SLC3A2: variants seen among roughly 807,000 people sequenced by gnomAD.
SLC3A2 encodes amino acid transporter heavy chain SLC3A2.
In SLC3A2, 32 loss-of-function variants were observed where a neutral mutation model predicts 48.5. That is an observed-to-expected ratio of 0.66 (90% CI 0.50 to 0.89). The LOEUF (loss-of-function observed/expected upper bound fraction) is 0.89, where lower values mean the gene tolerates loss of function less well. Among genes scored for constraint, SLC3A2 ranks in the 40% least tolerant of loss-of-function variants. The pLI, the probability that SLC3A2 is intolerant of heterozygous loss-of-function variation, is 0.00. For missense variants in SLC3A2, 587 were observed against 680.7 expected (o/e 0.86, Z 1.53); for synonymous variants, 277 against 288.8 (o/e 0.96, Z 0.41).
At chr11:62,882,166 G>C (rs1346859844) in intron 2 of SLC3A2, 100 bp downstream of exon 2, 24 of 1,389,022 alleles carry the variant, frequency 1.7e-5, no homozygotes, top group Non-Finnish European at 2.3e-5. Context: ...CTGGCTCTGA[G>C]TTTTCCTAGG....
In SLC3A2 at chr11:62,888,770, AAAAC is replaced by A. The variant is rs539927144; in HGVS notation, c.*90_*93del. On this transcript the variant is annotated 3_prime_UTR_variant, in exon 9 of 9. Transcript: ENST00000338663. ...TGGCTTCTGATTTTTCTCTTTTTTA[AAAAC>A]AAACAAACAAACTGTTGCAGATTAT... is the stretch of plus-strand genomic sequence containing the variant. The A allele has an allele frequency of 2.0e-4, 267 of 1,356,110 alleles. 1 individual carries two copies. Among genetic ancestry groups the A allele is most frequent in the African/African-American group, 1.7e-3 (118 of 68,576 alleles). 84.0% of individuals were successfully genotyped at this position (1,356,110 alleles called of 1,614,324 possible).
Position 62,885,459 on chromosome 11 carries a change from C to G in SLC3A2, c.1000-6C>G. On this transcript the variant is annotated splice_region_variant and splice_polypyrimidine_tract_variant and intron_variant, in intron 6 of 8. Coordinates refer to ENST00000338663, the MANE Select transcript of SLC3A2 (RefSeq NM_001013251.3). ...ATGGGGCTCACTGGAGTGTCTCTCC[C>G]TGTAGTTGTCTCAGGCAAGGCTCCT... The G allele has an allele frequency of 6.2e-7, 1 of 1,614,158 alleles. No homozygotes were observed. The highest frequency in any genetic ancestry group is 8.5e-7 in the Non-Finnish European group (1 of 1,180,014).
Position 62,880,956 on chromosome 11 carries a change from G to T in SLC3A2, c.-68G>T, listed in dbSNP as rs1001631906. The T allele has an allele frequency of 6.7e-7, 1 of 1,496,086 alleles. No homozygotes were observed. The highest frequency in any genetic ancestry group is 2.5e-5 in the Admixed American group (1 of 39,270). The allele number at this position is 1,496,086 out of a possible 1,614,324, so 92.7% of individuals were successfully genotyped here. ...GCCGGGGAGAGCGTTCTGGGTCCGAGGGTCCAGGTAGGGGTTGAGCCACCA... is the reference window on the plus strand; with the variant it reads ...GCCGGGGAGAGCGTTCTGGGTCCGATGGTCCAGGTAGGGGTTGAGCCACCA... On this transcript the variant is annotated 5_prime_UTR_variant, in exon 1 of 9. The change creates a new upstream start codon in the 5' untranslated region. Transcript: ENST00000338663.
chr11:62,885,594 G>T lies in SLC3A2; in HGVS notation c.1129G>T (p.Ala377Ser), dbSNP rs759967876. ...GGATGAGATTGGCCTGGATGCAGCTGCCCTTCCTGGACAGGTACTGCTTGC... is the reference window on the plus strand; with the variant it reads ...GGATGAGATTGGCCTGGATGCAGCTTCCCTTCCTGGACAGGTACTGCTTGC... The part of the protein sequence containing the change: ...YGDEIGLDAA[A>S]LPGQPMEAPV... The change falls in exon 7 of 9, where the codon GCC becomes TCC. Residue 377 changes from alanine (A) to serine (S), a missense_variant. By Grantham distance (99) the Ala-to-Ser change is moderately conservative. Transcript: ENST00000338663. 1 of 1,614,166 alleles carries T rather than the reference G, an allele frequency of 6.2e-7. No individual in the cohort carries two copies. The highest frequency in any genetic ancestry group is 1.1e-5 in the South Asian group (1 of 91,088).
At chr11:62,861,166 C>T (rs983601210) in intron 1 of SLC3A2, among the ~76,000 whole-genome samples, 14 of 151,784 alleles carry the variant, frequency 9.2e-5, no homozygotes, top group African/African-American at 3.1e-4. Context: ...ATATGGAGCC[C>T]GTCTCTACAA....
intron 1 of SLC3A2, among the ~76,000 whole-genome samples, chr11:62,866,445 G>T (rs754276652): frequency 8.6e-5 from 13 of 151,762 alleles, no homozygotes; most frequent in African/African-American, 1.5e-4. Flanking sequence ...GCCCAGGCTG[G>T]AGTGCAGTGG....
chr11:62,877,027 G>T, upstream of SLC3A2: 36 of 666,418 alleles, frequency 5.4e-5, no homozygotes, highest in East Asian at 1.4e-4. Flanking sequence ...TCACATGCTA[G>T]TTTTTTTCAG....
chr11:62,868,056 C>T (rs1197042344), intron 1 of SLC3A2, among the ~76,000 whole-genome samples: 1 of 150,742 alleles, frequency 6.6e-6, no homozygotes, highest in Non-Finnish European at 1.5e-5. Flanking sequence ...TGAGTAGCTG[C>T]GATTACAGCC....
At chr11:62,876,810 C>A, upstream of SLC3A2, 1 of 576,756 alleles carries the variant, frequency 1.7e-6, no homozygotes, top group Non-Finnish European at 2.5e-6. Context: ...CCATGTTAGC[C>A]AGGCTGATAT....
At chr11:62,876,856 C>A, upstream of SLC3A2, 2 of 1,004,052 alleles carry the variant, frequency 2.0e-6, no homozygotes, top group South Asian at 2.0e-5. Flanking sequence ...ACTGCCTCGG[C>A]CTCCGGAAGT....
intron 7 of SLC3A2, 26 bp downstream of exon 7, chr11:62,885,634 A>G (rs982802993): frequency 6.2e-7 from 1 of 1,612,816 alleles, no homozygotes; most frequent in East Asian, 2.2e-5. Context: ...TTTCTGTCAC[A>G]GGGAGGTTGT....
At chr11:62,886,157 G>C (rs753315926) in intron 7 of SLC3A2, among the ~76,000 whole-genome samples, 7 of 152,106 alleles carry the variant, frequency 4.6e-5, no homozygotes, top group Non-Finnish European at 1.0e-4. Flanking sequence ...AGGTGTGGTG[G>C]TGCACGCCTG....
intron 1 of SLC3A2, among the ~76,000 whole-genome samples, chr11:62,866,052 A>G (rs933692702): frequency 6.6e-6 from 1 of 151,258 alleles, no homozygotes; most frequent in East Asian, 1.9e-4. Context: ...TTGGAACACC[A>G]TTCTCTGGTC....
At chr11:62,870,259 G>T (rs1280979100) in intron 1 of SLC3A2, among the ~76,000 whole-genome samples, 1 of 151,406 alleles carries the variant, frequency 6.6e-6, no homozygotes, top group Non-Finnish European at 1.5e-5. Context: ...TCGGCTCACT[G>T]CAACCTCTGC....
At chr11:62,862,967 G>A (rs989224927) in intron 1 of SLC3A2, among the ~76,000 whole-genome samples, 1 of 152,224 alleles carries the variant, frequency 6.6e-6, no homozygotes, top group Non-Finnish European at 1.5e-5. Flanking sequence ...TGTCACCCAG[G>A]CTGGAGTGCA....
chr11:62,868,144 A>G (rs1279870404), intron 1 of SLC3A2, among the ~76,000 whole-genome samples: 1 of 151,424 alleles, frequency 6.6e-6, no homozygotes, highest in African/African-American at 2.4e-5. Flanking sequence ...CTGGTCTCAA[A>G]CTCCTGACTT....
upstream of SLC3A2, among the ~76,000 whole-genome samples, chr11:62,879,776 AAG>A (rs2085609384): frequency 6.6e-6 from 1 of 152,238 alleles, no homozygotes; most frequent in Non-Finnish European, 1.5e-5. Context: ...GTTTAGGAAC[AAG>A]GAGTTCCTGA....
At position 62,882,076 on chromosome 11, in the gene SLC3A2, C is replaced by G; in HGVS notation, c.598+10C>G. ...TCGGCTAAAAAAAAGAGTGGGTATC[C>G]TGGGGTTCCCAAGGAAACAGCTAGA... On this transcript the variant is annotated intron_variant, in intron 2 of 8. Transcript: ENST00000338663. 1 of 1,613,980 alleles carries G rather than the reference C, an allele frequency of 6.2e-7. No individual in the cohort carries two copies. Among genetic ancestry groups the G allele is most frequent in the Non-Finnish European group, 8.5e-7 (1 of 1,179,930 alleles).
chr11:62,870,855 A>AATT (rs753038192), intron 1 of SLC3A2: 110 of 134,828 alleles, frequency 8.2e-4, no homozygotes, highest in South Asian at 2.6e-3. Flanking sequence ...TAATAATAAT[A>AATT]ATTATTATTA....
Sources: gnomAD v4.1 joint callset for allele counts (sites outside exome capture counted in the v4.1 genomes callset) on GRCh38, gnomAD v4.1.1 for gene constraint, MANE v1.5 for transcripts, NCBI Gene and HGNC (gene_info 2026-07-23, HGNC 2026-07-21) for gene names.